ANAPC5: variants seen among roughly 807,000 people sequenced by gnomAD.
ANAPC5 encodes anaphase promoting complex subunit 5, also known as anaphase-promoting complex subunit 5.
ANAPC5 carries 60 observed loss-of-function variants against 91.3 expected under a neutral mutation model. The observed-to-expected ratio is 0.66, with a 90% CI of 0.53 to 0.81. The LOEUF is 0.81. Ranked by LOEUF, ANAPC5 falls within the 40% of genes least tolerant of loss-of-function variation. The pLI is 0.00. For synonymous variants in ANAPC5, 340 were observed against 364.1 expected (o/e 0.93, Z 0.75); for missense variants, 690 against 931.5 (o/e 0.74, Z 3.37).
At chr12:121,343,626 ATT>A (rs1903543892) in intron 4 of ANAPC5, among the ~76,000 whole-genome samples, 4 of 152,228 alleles carry the variant, frequency 2.6e-5, no homozygotes, top group African/African-American at 9.6e-5. Context: ...TAATGGTACT[ATT>A]ATCCTCTTGC....
At chr12:121,317,352 C>T (rs1902410224) in intron 15 of ANAPC5, among the ~76,000 whole-genome samples, 1 of 151,396 alleles carries the variant, frequency 6.6e-6, no homozygotes. Flanking sequence ...CTCCCAGGGT[C>T]AAGCGATTCT....
At chr12:121,354,100 T>C (rs1555275791), upstream of ANAPC5, among the ~76,000 whole-genome samples, 1 of 150,572 alleles carries the variant, frequency 6.6e-6, no homozygotes, top group African/African-American at 2.4e-5. Flanking sequence ...GCAATTCTCC[T>C]GCCTCAGCCT....
At chr12:121,314,615 G>GGACAT (rs1902285352) in intron 15 of ANAPC5, among the ~76,000 whole-genome samples, 1 of 151,356 alleles carries the variant, frequency 6.6e-6, no homozygotes, top group African/African-American at 2.4e-5. Context: ...AACAAAATAA[G>GGACAT]GACATACACT....
rs1292575447 is a variant in ANAPC5 at position 121,342,340 on chromosome 12, A to G, written c.591-271T>C. ...AGCCTTTCCAACCAATGATGCTGGG[A>G]AAACTGCACATCCACATGCAAAAGC... On this transcript the variant is annotated intron_variant, in intron 4 of 16. Transcript: ENST00000261819. This position sits in a 1 kb window ranked among gnomAD's most constrained non-coding sequence, Gnocchi z 4.1. 3.3e-5 allele frequency among the ~76,000 whole-genome samples: 5 copies of G among 152,172 alleles called. No individual in the cohort carries two copies. The highest frequency in any genetic ancestry group is 1.2e-4 in the African/African-American group (5 of 41,450).
At chr12:121,316,558 C>A (rs749575108) in intron 15 of ANAPC5, among the ~76,000 whole-genome samples, 3 of 151,702 alleles carry the variant, frequency 2.0e-5, no homozygotes, top group African/African-American at 7.3e-5. Flanking sequence ...ACAGTGAAAC[C>A]CCATCTCTAC....
In ANAPC5 at chr12:121,341,986, T is replaced by C; in HGVS notation, c.657+17A>G. The C allele has an allele frequency of 6.3e-7, 1 of 1,593,668 alleles. No homozygotes were observed. Among genetic ancestry groups the C allele is most frequent in the Non-Finnish European group, 8.6e-7 (1 of 1,165,714 alleles). On this transcript the variant is annotated intron_variant, in intron 5 of 16. Transcript: ENST00000261819. ...GACTAGAACAGAAGTTCATGATAAATTACAGAATTCACATACCTGTTGAGA... is the reference window on the plus strand; with the variant it reads ...GACTAGAACAGAAGTTCATGATAAACTACAGAATTCACATACCTGTTGAGA...
chr12:121,329,617 C>CT (rs201582258), intron 9 of ANAPC5, among the ~76,000 whole-genome samples: 3,119 of 138,020 alleles, frequency 0.023, 95 homozygotes, highest in African/African-American at 0.071. Context: ...CTTGTGCTTC[C>CT]TTTTTTTTTT....
At chr12:121,336,749 C>T (rs1903252173) in intron 6 of ANAPC5, among the ~76,000 whole-genome samples, 1 of 152,164 alleles carries the variant, frequency 6.6e-6, no homozygotes, top group Admixed American at 6.5e-5. Flanking sequence ...AACTTTACAA[C>T]ATCAGGAGGA....
At chr12:121,321,818 A>C (rs763801949) in intron 11 of ANAPC5, among the ~76,000 whole-genome samples, 6 of 151,408 alleles carry the variant, frequency 4.0e-5, no homozygotes, top group Non-Finnish European at 8.8e-5. Flanking sequence ...GATTACAGGC[A>C]TGAGCCAATG....
intron 10 of ANAPC5, 143 bp from the exon 11 acceptor site, chr12:121,327,374 G>T: frequency 1.0e-6 from 1 of 957,692 alleles, no homozygotes; most frequent in Non-Finnish European, 1.5e-6. Context: ...GCCTCCCAGT[G>T]CCAGCAACCT....
At chr12:121,336,868 T>C (rs1266378402) in intron 6 of ANAPC5, among the ~76,000 whole-genome samples, 2 of 152,124 alleles carry the variant, frequency 1.3e-5, no homozygotes, top group Non-Finnish European at 2.9e-5. Context: ...AAGAACACGA[T>C]TTCCTTCAAG....
At chr12:121,330,296 G>A (rs1555272747) in intron 9 of ANAPC5, among the ~76,000 whole-genome samples, 1 of 152,170 alleles carries the variant, frequency 6.6e-6, no homozygotes, top group East Asian at 1.9e-4. Context: ...TTTTCTAAGT[G>A]ACTATGTGCT....
At chr12:121,310,885 G>A (rs1243120134) in intron 15 of ANAPC5, among the ~76,000 whole-genome samples, 1 of 125,290 alleles carries the variant, frequency 8.0e-6, no homozygotes, top group African/African-American at 3.2e-5. Flanking sequence ...AGTGAGCAGA[G>A]ATCACACCAC....
At chr12:121,323,869 T>A (rs568726272) in intron 11 of ANAPC5, among the ~76,000 whole-genome samples, 69 of 152,244 alleles carry the variant, frequency 4.5e-4, no homozygotes, top group Non-Finnish European at 9.1e-4. Context: ...GGGATATAGA[T>A]CCTGCAGTAT....
chr12:121,327,107 G>C lies in ANAPC5; in HGVS notation c.1429C>G (p.His477Asp). The C allele has an allele frequency of 6.2e-7, 1 of 1,605,434 alleles. No homozygotes were observed. The highest frequency in any genetic ancestry group is 8.5e-7 in the Non-Finnish European group (1 of 1,177,200). Reference protein sequence around the residue: ...AVALCHLAELHAEQGCFAAAS... With the variant: ...AVALCHLAELDAEQGCFAAAS... ...GGCCACCTGCCTACCTGCTCCGCGTGTAGCTCTGCGAGGTGGCAGAGTGCG... is the reference window on the plus strand; with the variant it reads ...GGCCACCTGCCTACCTGCTCCGCGTCTAGCTCTGCGAGGTGGCAGAGTGCG... The change falls in exon 11 of 17, where the codon CAC becomes GAC. Residue 477 changes from histidine (H) to aspartate (D), a missense_variant. His to Asp is a moderately conservative substitution (Grantham distance 81). Coordinates refer to ENST00000261819, the MANE Select transcript of ANAPC5 (RefSeq NM_016237.5).
chr12:121,346,992 C>G lies in ANAPC5; in HGVS notation c.301G>C (p.Ala101Pro). Residue 101 changes from alanine to proline, a missense_variant, in exon 3 of 17, where the codon GCT (alanine) becomes CCT (proline). By Grantham distance (27) the Ala-to-Pro change is conservative (BLOSUM62 -1). Around this residue, in one of 5 missense-constraint regions of ANAPC5, gnomAD observed 238 missense variants for 264.9 expected, o/e 0.90. Coordinates refer to ENST00000261819, the MANE Select transcript of ANAPC5 (RefSeq NM_016237.5). ...TCCATATCCTTCAACTCGCCTTCAG[C>G]CATCAGTTTGATTCTGAATGAGAAA... ...NSVQIRIKLM[A>P]EGELKDMEQF... The G allele has an allele frequency of 6.2e-7, 1 of 1,608,208 alleles. No homozygotes were observed. The highest frequency in any genetic ancestry group is 8.5e-7 in the Non-Finnish European group (1 of 1,178,116).
chr12:121,331,231 T>C, intron 8 of ANAPC5, 116 bp downstream of exon 8: 1 of 787,858 alleles, frequency 1.3e-6, no homozygotes, highest in Non-Finnish European at 2.0e-6. Context: ...CCTAACTTGT[T>C]TCCTTTTGCT....
intron 15 of ANAPC5, among the ~76,000 whole-genome samples, chr12:121,317,308 C>T (rs1349529146): frequency 1.3e-5 from 2 of 148,656 alleles, no homozygotes; most frequent in Admixed American, 6.8e-5. Context: ...GCTGGGAGTA[C>T]GGTGTCACGA....
intron 15 of ANAPC5, among the ~76,000 whole-genome samples, chr12:121,312,706 C>CAAAAAAA (rs34791908): frequency 1.9e-5 from 1 of 51,836 alleles, no homozygotes; most frequent in African/African-American, 6.3e-5. Flanking sequence ...GACTCTGTCA[C>CAAAAAAA]AAAAAAAAAA....
Sources: gnomAD v4.1 joint callset for allele counts (sites outside exome capture counted in the v4.1 genomes callset) on GRCh38, gnomAD v4.1.1 for gene constraint, gnomAD v4.1.1 regional missense constraint, Gnocchi (gnomAD v3.1) non-coding constraint, MANE v1.5 for transcripts, NCBI Gene and HGNC (gene_info 2026-07-23, HGNC 2026-07-21) for gene names.